The following NAV1 variants were observed in gnomAD, a reference collection of about 807,000 sequenced individuals.
NAV1 encodes pore membrane and/or filament interacting like protein 3.
In NAV1, 18 loss-of-function variants were observed where a neutral mutation model predicts 175.2. That is an observed-to-expected ratio of 0.10 (90% CI 0.07 to 0.15). The LOEUF is 0.15. Among genes scored for constraint, NAV1 ranks in the 10% least tolerant of loss-of-function variants. The pLI is 1.00. For missense variants in NAV1, 1,731 were observed against 2,436.6 expected (o/e 0.71, Z 6.10); for synonymous variants, 897 against 978.7 (o/e 0.92, Z 1.56).
intron 3 of NAV1, 38 bp from the exon 8 acceptor site, chr1:201,780,383 T>C (rs1194560189): frequency 6.2e-7 from 1 of 1,610,570 alleles, no homozygotes; most frequent in African/African-American, 1.3e-5. Flanking sequence ...CCTGGGCTTC[T>C]GTTTTAACGA....
intron 1 of NAV1, among the ~76,000 whole-genome samples, chr1:201,625,764 T>G (rs1668314380): frequency 1.3e-5 from 2 of 152,212 alleles, no homozygotes; most frequent in South Asian, 4.1e-4. Context: ...GTCTAGGCAT[T>G]AAATTGTTTA....
chr1:201,734,493 G>GAAGAAGAAGAAGAAGAAGA (rs1558109103), intron 3 of NAV1, among the ~76,000 whole-genome samples: 1 of 71,628 alleles, frequency 1.4e-5, no homozygotes, highest in Non-Finnish European at 2.6e-5. Flanking sequence ...GAGGAAGAAG[G>GAAGAAGAAGAAGAAGAAGA]AGAAGGAGAA....
At chr1:201,601,122 TA>T (rs1366989433) in intron 2 of NAV1, among the ~76,000 whole-genome samples, 3 of 152,182 alleles carry the variant, frequency 2.0e-5, no homozygotes, top group Non-Finnish European at 4.4e-5. Flanking sequence ...GGGGACCACA[TA>T]ATTTACCTCA....
intron 2 of NAV1, among the ~76,000 whole-genome samples, chr1:201,638,632 T>C (rs1363165379): frequency 6.6e-6 from 1 of 152,222 alleles, no homozygotes; most frequent in African/African-American, 2.4e-5. Flanking sequence ...AATAGCTGCA[T>C]GGTAATAGCA....
At chr1:201,825,711 G>GT (rs1386310159) in exon 30 of NAV1, 2 of 152,570 alleles carry the variant, frequency 1.3e-5, no homozygotes, top group Admixed American at 1.3e-4. Flanking sequence ...ACCCAGGCTG[G>GT]TGTGCAGTGG....
In NAV1 at chr1:201,810,615, C is replaced by A. The variant is rs1306276625; in HGVS notation, c.4654C>A (p.Arg1552=). ...CTACATAAGCCTCCTGCTGAAGCAC[C>A]GGCGCCTCGTCCTCTCGGGCCCCAG... is the stretch of plus-strand genomic sequence containing the variant. Residue 1552 remains arginine (R), a synonymous_variant, in exon 24 of 30, where the codon CGG becomes AGG. Coordinates refer to ENST00000367296, the Ensembl canonical transcript of NAV1. This position sits in a 1 kb window ranked among gnomAD's most constrained non-coding sequence, Gnocchi z 6.0. 6.2e-7 allele frequency: 1 copy of A among 1,614,056 alleles called. No individual in the cohort carries two copies. The highest frequency in any genetic ancestry group is 8.5e-7 in the Non-Finnish European group (1 of 1,179,980).
At chr1:201,651,074 T>TA (rs917216401) in intron 1 of NAV1, among the ~76,000 whole-genome samples, 6 of 145,272 alleles carry the variant, frequency 4.1e-5, no homozygotes, top group African/African-American at 7.6e-5. Flanking sequence ...GCCCATGTGA[T>TA]AGAGAGCCCT....
In NAV1 at chr1:201,640,504, CCT is replaced by C. The variant is rs372134145; in HGVS notation, c.5-8129_5-8128del. On this transcript the variant is annotated intron_variant, in intron 2 of 29. Coordinates refer to the NAV1 transcript ENST00000367302. ...TGAGGATACCTTGCCCACTTTTCCCCCTGTCTCCCAGAAGTGTGGTGAAACTA... is the reference window on the plus strand; with the variant it reads ...TGAGGATACCTTGCCCACTTTTCCCCGTCTCCCAGAAGTGTGGTGAAACTA... Among the ~76,000 whole-genome samples the C allele has an allele frequency of 3.3e-5, 5 of 152,288 alleles. No homozygotes were observed. The South Asian group carries it at 1.0e-3, about 32-fold the overall frequency.
chr1:201,718,039 T>C lies in NAV1; in HGVS notation c.861-351T>C, dbSNP rs148146479. Among the ~76,000 whole-genome samples the C allele has an allele frequency of 3.0e-4, 45 of 152,350 alleles. No individual in the cohort carries two copies. Among genetic ancestry groups the C allele is most frequent in the Non-Finnish European group, 5.4e-4 (37 of 68,034 alleles). On this transcript the variant is annotated intron_variant, in intron 2 of 29. Transcript: ENST00000367296. The surrounding 1 kb of genome is among the most constrained non-coding windows in gnomAD (Gnocchi z 4.8). ...AGATGTTATGCCATTATCCCCATTGTACAGATGGGGAAACTGAAGCTTTAG... is the reference window on the plus strand; with the variant it reads ...AGATGTTATGCCATTATCCCCATTGCACAGATGGGGAAACTGAAGCTTTAG...
chr1:201,675,427 T>A (rs1670209478), intron 1 of NAV1, among the ~76,000 whole-genome samples: 1 of 152,188 alleles, frequency 6.6e-6, no homozygotes, highest in Non-Finnish European at 1.5e-5. Flanking sequence ...GCCAGCCTCG[T>A]GTAACCTCAG....
chr1:201,819,460 T>C (rs1298796033), intron 29 of NAV1, among the ~76,000 whole-genome samples: 1 of 151,110 alleles, frequency 6.6e-6, no homozygotes. Context: ...CTAGATTTTT[T>C]TTTTTTTTTT....
chr1:201,655,257 C>T (rs1669355302), intron 1 of NAV1, among the ~76,000 whole-genome samples: 1 of 151,550 alleles, frequency 6.6e-6, no homozygotes. Flanking sequence ...GCTCTCCTCC[C>T]CAAAGCCCAA....
chr1:201,663,583 A>G (rs1174484706), intron 1 of NAV1, among the ~76,000 whole-genome samples: 1 of 152,184 alleles, frequency 6.6e-6, no homozygotes, highest in Non-Finnish European at 1.5e-5. Context: ...GCTTCCTCCC[A>G]GGGCTGAGGC....
At chr1:201,791,500 CA>C (rs1677111266) in intron 13 of NAV1, 1 of 152,196 alleles carries the variant, frequency 6.6e-6, no homozygotes, top group African/African-American at 2.4e-5. Context: ...GAGTTGCAAA[CA>C]GAGAACATAA....
At chr1:201,728,190 G>C (rs72742008) in intron 3 of NAV1, among the ~76,000 whole-genome samples, 46,554 of 151,808 alleles carry the variant, frequency 0.31, 7,144 homozygotes, top group Admixed American at 0.33. Context: ...GGTGTAATCA[G>C]GGCTCGTGGC....
rs1455861502 is a variant in NAV1, at chr1:201,693,919, C to A, written c.758-18898C>A. On this transcript the variant is annotated intron_variant, in intron 1 of 29. Transcript: ENST00000367296. Reference sequence around the variant, plus strand: ...CATGGATAAGATGTGCTTTTAGACACCTTGGGGGCTGGGGGCTGGGGGCAG... The same window carrying A: ...CATGGATAAGATGTGCTTTTAGACAACTTGGGGGCTGGGGGCTGGGGGCAG... Among the ~76,000 whole-genome samples, 4 of 152,140 alleles carry A rather than the reference C, an allele frequency of 2.6e-5. No individual in the cohort carries two copies. The South Asian group carries it at 8.3e-4, about 32-fold the overall frequency.
At chr1:201,798,608 C>CAAAAAA (rs36186980) in intron 15 of NAV1, 53 of 97,106 alleles carry the variant, frequency 5.5e-4, no homozygotes, top group African/African-American at 2.0e-3. Context: ...GACCTGGTTT[C>CAAAAAA]AAAAAAAAAA....
At chr1:201,767,882 T>C (rs766300311) in intron 3 of NAV1, among the ~76,000 whole-genome samples, 9 of 152,238 alleles carry the variant, frequency 5.9e-5, no homozygotes, top group Non-Finnish European at 8.8e-5. Flanking sequence ...TAAAAGACCA[T>C]TGAAGAATGG....
chr1:201,725,853 G>A (rs1183566464), intron 3 of NAV1, among the ~76,000 whole-genome samples: 6 of 152,150 alleles, frequency 3.9e-5, no homozygotes, highest in African/African-American at 1.2e-4. Context: ...AGCTACTCAG[G>A]AGGCTGAAGA....
Sources: gnomAD v4.1 joint callset for allele counts (sites outside exome capture counted in the v4.1 genomes callset) on GRCh38, gnomAD v4.1.1 for gene constraint, Gnocchi (gnomAD v3.1) non-coding constraint, MANE v1.5 for transcripts, NCBI Gene and HGNC (gene_info 2026-07-23, HGNC 2026-07-21) for gene names.